IQCH: variants seen among roughly 807,000 people sequenced by gnomAD.
The protein encoded by IQCH is IQ domain-containing protein H.
A neutral mutation model predicts 117.0 loss-of-function variants in IQCH; 98 were observed. The observed-to-expected ratio is 0.84, with a 90% CI of 0.71 to 0.99. The LOEUF (loss-of-function observed/expected upper bound fraction) is 0.99, where lower values mean the gene tolerates loss of function less well. Ranked by LOEUF, IQCH falls within the 50% of genes least tolerant of loss-of-function variation. The pLI, the probability that IQCH is intolerant of heterozygous loss-of-function variation, is 0.00. For missense variants in IQCH, 1,102 were observed against 1,243.8 expected (o/e 0.89, Z 1.72); for synonymous variants, 412 against 448.2 (o/e 0.92, Z 1.02).
intron 2 of IQCH, among the ~76,000 whole-genome samples, chr15:67,262,428 C>T (rs146794693): frequency 6.6e-6 from 1 of 152,306 alleles, no homozygotes; most frequent in East Asian, 1.9e-4. Context: ...TCTCAGCTCC[C>T]AAGGCTGTGA....
Position 67,496,489 on chromosome 15 carries a change from G to A in IQCH, c.2970+2123G>A, listed in dbSNP as rs1165402547. Among the ~76,000 whole-genome samples the A allele has an allele frequency of 6.6e-6, 1 of 152,138 alleles. No homozygotes were observed. The highest frequency in any genetic ancestry group is 2.4e-5 in the African/African-American group (1 of 41,414). The stretch of plus-strand genomic sequence containing the variant: ...GATTAGGAACAAGACAAGGGTGTCT[G>A]CTCTTGCCACCTCTATTCATCATTG... On this transcript the variant is annotated intron_variant, in intron 20 of 20. Transcript: ENST00000335894. This position sits in a 1 kb window ranked among gnomAD's most constrained non-coding sequence, Gnocchi z 4.4.
intron 16 of IQCH, among the ~76,000 whole-genome samples, chr15:67,428,202 GT>G: frequency 6.6e-6 from 1 of 152,176 alleles, no homozygotes; most frequent in South Asian, 2.1e-4. Context: ...TAAAACTAAT[GT>G]TTTTAAAGAA....
chr15:67,343,008 C>T (rs950194379), intron 5 of IQCH, among the ~76,000 whole-genome samples: 1 of 152,142 alleles, frequency 6.6e-6, no homozygotes, highest in African/African-American at 2.4e-5. Flanking sequence ...TCTTTGAAAT[C>T]AGTGTTTTAC....
chr15:67,317,312 C>T (rs1045514887), intron 4 of IQCH, among the ~76,000 whole-genome samples: 1 of 152,128 alleles, frequency 6.6e-6, no homozygotes, highest in African/African-American at 2.4e-5. Context: ...AAGTGATTCT[C>T]CTGCCTCAGC....
In IQCH at chr15:67,398,595, A is replaced by G. The variant is rs141896255; in HGVS notation, c.1906-1519A>G. ...TCTCTTCCACACTGCCATGTAGTAT[A>G]GTATCCCCAGGAAGATTTGCTGGAC... On this transcript the variant is annotated intron_variant, in intron 13 of 20. Transcript: ENST00000335894. Among the ~76,000 whole-genome samples, 556 of 152,272 alleles carry G rather than the reference A, an allele frequency of 3.7e-3. 4 individuals carry two copies. The highest frequency in any genetic ancestry group is 0.013 in the African/African-American group (524 of 41,564).
Position 67,425,342 on chromosome 15 carries a change from G to A in IQCH, c.2505+3765G>A, listed in dbSNP as rs936090644. Reference sequence around the variant, plus strand: ...AAAATTACTATTTCTGGCCAGGTGCGGTGGCTCACGCCTGTAATCCCAGCA... The same window carrying A: ...AAAATTACTATTTCTGGCCAGGTGCAGTGGCTCACGCCTGTAATCCCAGCA... On this transcript the variant is annotated intron_variant, in intron 16 of 20. Transcript: ENST00000335894. This position sits in a 1 kb window ranked among gnomAD's most constrained non-coding sequence, Gnocchi z 5.5. Among the ~76,000 whole-genome samples, 31 of 152,168 alleles carry A rather than the reference G, an allele frequency of 2.0e-4. 1 individual carries two copies. Among genetic ancestry groups the A allele is most frequent in the African/African-American group, 2.4e-4 (10 of 41,514 alleles).
intron 13 of IQCH, 71 bp from the exon 14 acceptor site, chr15:67,400,042 TA>T (rs1971592051): frequency 8.2e-7 from 1 of 1,222,776 alleles, no homozygotes; most frequent in African/African-American, 1.5e-5. Flanking sequence ...GTACAGCAAC[TA>T]AGTTGTTACG....
rs1021607933 is a variant in IQCH, at chr15:67,441,414, A to G, written c.2505+19837A>G. 5.3e-5 allele frequency among the ~76,000 whole-genome samples: 8 copies of G among 152,306 alleles called. No homozygotes were observed. In the East Asian group the frequency reaches 1.3e-3, roughly 26 times the overall value. On this transcript the variant is annotated intron_variant, in intron 16 of 20. Transcript: ENST00000335894. The stretch of plus-strand genomic sequence containing the variant: ...TAAAATTCATATGGAACCAAAAAAG[A>G]GCCCAGATGGCCAAAGCAAGGCTAA...
Position 67,424,281 on chromosome 15 carries a change from C to A in IQCH, c.2505+2704C>A, listed in dbSNP as rs2081830440. Among the ~76,000 whole-genome samples the A allele has an allele frequency of 6.6e-6, 1 of 152,146 alleles. No individual in the cohort carries two copies. Among genetic ancestry groups the A allele is most frequent in the Admixed American group, 6.5e-5 (1 of 15,272 alleles). On this transcript the variant is annotated intron_variant, in intron 16 of 20. Coordinates refer to ENST00000335894, the MANE Select transcript of IQCH (RefSeq NM_001031715.3). The surrounding 1 kb of genome is among the most constrained non-coding windows in gnomAD (Gnocchi z 4.9). ...TTGCCTTTTCTTTTGACCTAGTTAG[C>A]CCCTTTTCCAGCCATCACATTTCAG... is the stretch of plus-strand genomic sequence containing the variant.
rs1283425079 is a variant in IQCH, at chr15:67,413,743, C to G, written c.2098-3188C>G. ...TGGCCCCAAGCTGCCTCTGTGTGCCCCAGCATCCCTACTGAATGTCACCCC... is the reference window on the plus strand; with the variant it reads ...TGGCCCCAAGCTGCCTCTGTGTGCCGCAGCATCCCTACTGAATGTCACCCC... On this transcript the variant is annotated intron_variant, in intron 14 of 20. Coordinates refer to ENST00000335894, the MANE Select transcript of IQCH (RefSeq NM_001031715.3). The surrounding 1 kb of genome is among the most constrained non-coding windows in gnomAD (Gnocchi z 5.0). 1.3e-5 allele frequency among the ~76,000 whole-genome samples: 2 copies of G among 152,270 alleles called. No individual in the cohort carries two copies. Among genetic ancestry groups the G allele is most frequent in the Admixed American group, 1.3e-4 (2 of 15,298 alleles).
intron 10 of IQCH, among the ~76,000 whole-genome samples, chr15:67,374,967 A>G (rs1446173849): frequency 6.6e-6 from 1 of 152,198 alleles, no homozygotes; most frequent in Non-Finnish European, 1.5e-5. Flanking sequence ...TGCTTAGCAC[A>G]AAGGTGTGAT....
intron 16 of IQCH, among the ~76,000 whole-genome samples, chr15:67,448,368 T>TCCCCCCG (rs2082438888): frequency 2.0e-5 from 2 of 99,344 alleles, no homozygotes; most frequent in Admixed American, 1.2e-4. Flanking sequence ...ATGCTATCCC[T>TCCCCCCG]CCCCCCGCCC....
At chr15:67,302,674 T>C (rs574110377) in intron 4 of IQCH, among the ~76,000 whole-genome samples, 1 of 152,256 alleles carries the variant, frequency 6.6e-6, no homozygotes, top group African/African-American at 2.4e-5. Context: ...CTGACCAACA[T>C]GGTGAAACCC....
intron 19 of IQCH, among the ~76,000 whole-genome samples, chr15:67,492,768 G>A (rs2083696351): frequency 6.6e-6 from 1 of 152,168 alleles, no homozygotes; most frequent in South Asian, 2.1e-4. Flanking sequence ...TGAAGTGTGG[G>A]CCACAGGAAG....
At chr15:67,286,201 T>A (rs566194240) in intron 4 of IQCH, among the ~76,000 whole-genome samples, 38 of 152,326 alleles carry the variant, frequency 2.5e-4, no homozygotes, top group African/African-American at 8.7e-4. Flanking sequence ...CTATTGTAAA[T>A]GGGATTACTG....
In IQCH at chr15:67,451,352, T is replaced by C. The variant is rs1334792047; in HGVS notation, c.2506-13775T>C. ...TTTAGATCTTTCCTGCTTTCTCTTG[T>C]GGGCATTTAGTGCTATAAATTTCCC... On this transcript the variant is annotated intron_variant, in intron 16 of 20. Transcript: ENST00000335894. Among the ~76,000 whole-genome samples the C allele has an allele frequency of 4.7e-4, 72 of 152,226 alleles. No homozygotes were observed. In the South Asian group the frequency reaches 0.015, roughly 32 times the overall value.
chr15:67,343,529 C>T (rs1419633339), intron 5 of IQCH, among the ~76,000 whole-genome samples: 1 of 152,182 alleles, frequency 6.6e-6, no homozygotes, highest in Non-Finnish European at 1.5e-5. Context: ...AACCATTTTG[C>T]CCAGTTGTAT....
Position 67,383,243 on chromosome 15 carries a change from G to A in IQCH, c.1373-1693G>A, listed in dbSNP as rs188836299. On this transcript the variant is annotated intron_variant, in intron 10 of 20. Transcript: ENST00000335894. ...ACTGCATGTGATTTTCTACAACAAT[G>A]TTCCAAGATTAGCATACACTTCTTT... is the stretch of plus-strand genomic sequence containing the variant. 2.6e-5 allele frequency among the ~76,000 whole-genome samples: 4 copies of A among 152,272 alleles called. No homozygotes were observed. The East Asian group carries it at 5.8e-4, about 22-fold the overall frequency.
chr15:67,478,732 T>C (rs149476484), intron 18 of IQCH, among the ~76,000 whole-genome samples: 1,692 of 152,154 alleles, frequency 0.011, 106 homozygotes, highest in Admixed American at 0.093. Context: ...GAGACCATCC[T>C]GGCCAACATG....
Sources: gnomAD v4.1 joint callset for allele counts (sites outside exome capture counted in the v4.1 genomes callset) on GRCh38, gnomAD v4.1.1 for gene constraint, Gnocchi (gnomAD v3.1) non-coding constraint, MANE v1.5 for transcripts, NCBI Gene and HGNC (gene_info 2026-07-23, HGNC 2026-07-21) for gene names.